The following ABI3BP variants were observed in gnomAD, a reference collection of about 807,000 sequenced individuals.
ABI3BP encodes target of Nesh-SH3.
A neutral mutation model predicts 268.6 loss-of-function variants in ABI3BP; 216 were observed. That is an observed-to-expected ratio of 0.80 (90% CI 0.72 to 0.90). The LOEUF (loss-of-function observed/expected upper bound fraction) is 0.90. ABI3BP is among the 40% of genes least tolerant of loss of function. The pLI is 0.00. For synonymous variants in ABI3BP, 730 were observed against 730.0 expected, an observed-to-expected ratio of 1.00 and a Z score of 0.00; for missense variants, 2,090 against 2,182.4, an observed-to-expected ratio of 0.96 and a Z score of 0.84.
At chr3:100,867,123 AAATTCTTTCTTATTAACCCTACAT>A (rs1668021718) in intron 9 of ABI3BP, among the ~76,000 whole-genome samples, 167 bp from the exon 10 acceptor site, 1 of 152,220 alleles carries the variant, frequency 6.6e-6, no homozygotes, top group South Asian at 2.1e-4. Flanking sequence ...TAAGTCTTCA[AAATTCTTTCTTATTAACCCTACAT>A]AATTCTTTCT....
At position 100,898,816 on chromosome 3, in the gene ABI3BP, A is replaced by T. The variant is rs779453279; in HGVS notation, c.407T>A (p.Phe136Tyr). 3.5e-5 allele frequency: 56 copies of T among 1,613,602 alleles called. No homozygotes were observed. Among genetic ancestry groups the T allele is most frequent in the Non-Finnish European group, 4.2e-5 (49 of 1,179,756 alleles). Residue 136 changes from phenylalanine to tyrosine, a missense_variant, in exon 4 of 68, where the codon TTC (phenylalanine) becomes TAC (tyrosine). Coordinates refer to ENST00000471714, the MANE Select transcript of ABI3BP (RefSeq NM_001375547.2). ...CCAGTCATGGTGTGGGTTGATGAGG[A>T]AACCCCAGGACAGGAAGACCGAGCT... ...TPSSVFLSWG[F>Y]LINPHHDWTL...
intron 53 of ABI3BP, 149 bp from the exon 54 acceptor site, chr3:100,795,152 G>C (rs748579405): frequency 3.5e-6 from 2 of 566,844 alleles, no homozygotes; most frequent in African/African-American, 2.0e-5. Context: ...AAATGACTGC[G>C]GAATATTAGA....
intron 61 of ABI3BP, among the ~76,000 whole-genome samples, chr3:100,771,975 A>G (rs9814084): frequency 0.13 from 20,517 of 152,204 alleles, 1,473 homozygotes; most frequent in Non-Finnish European, 0.16. Context: ...TTCTCAAAAC[A>G]AGTGATAAAG....
At position 100,816,748 on chromosome 3, in the gene ABI3BP, G is replaced by A. The variant is rs556648853; in HGVS notation, c.3169C>T (p.Arg1057Cys). 22 of 1,535,794 alleles carry A rather than the reference G, an allele frequency of 1.4e-5. No homozygotes were observed. The highest frequency in any genetic ancestry group is 7.3e-5 in the East Asian group (3 of 40,914). ...TTLAPKTQRTRRPRPRPKTTS... is the reference protein window; with the variant it reads ...TTLAPKTQRTCRPRPRPKTTS... Reference sequence around the variant, plus strand: ...GTTTTGGGTCTGGGACGGGGACGACGTGTCCGTTGTGTTTTAGGAGCTGAA... The same window carrying A: ...GTTTTGGGTCTGGGACGGGGACGACATGTCCGTTGTGTTTTAGGAGCTGAA... The change falls in exon 43 of 68, where the codon CGT becomes TGT. Residue 1057 changes from arginine to cysteine, a missense_variant. By Grantham distance (180) the Arg-to-Cys change is radical. Coordinates refer to ENST00000471714, the MANE Select transcript of ABI3BP (RefSeq NM_001375547.2).
intron 2 of ABI3BP, chr3:100,912,175 C>T (rs533463157): frequency 1.4e-4 from 41 of 301,552 alleles, no homozygotes; most frequent in East Asian, 6.2e-4. Flanking sequence ...TCTTACCCTT[C>T]GTGCTGCCGT....
intron 2 of ABI3BP, among the ~76,000 whole-genome samples, chr3:100,923,106 T>C (rs1308718665): frequency 6.6e-6 from 1 of 152,198 alleles, no homozygotes; most frequent in African/African-American, 2.4e-5. Flanking sequence ...AAAAAGAACA[T>C]ATTGATCTAC....
intron 34 of ABI3BP, 116 bp from the exon 35 acceptor site, chr3:100,825,960 G>A: frequency 1.3e-6 from 1 of 777,912 alleles, no homozygotes; most frequent in Non-Finnish European, 2.1e-6. Flanking sequence ...AACATTTCTG[G>A]GAAGGGCATT....
At chr3:100,968,148 A>T (rs1401566045) in intron 1 of ABI3BP, among the ~76,000 whole-genome samples, 1 of 152,232 alleles carries the variant, frequency 6.6e-6, no homozygotes, top group Non-Finnish European at 1.5e-5. Flanking sequence ...AGTTACTTTC[A>T]GCCTTTTATT....
chr3:100,869,010 C>T (rs140355918), intron 9 of ABI3BP, among the ~76,000 whole-genome samples: 124 of 152,150 alleles, frequency 8.1e-4, no homozygotes, highest in African/African-American at 2.2e-3. Flanking sequence ...TTTCCTTTCA[C>T]GATCTCTTCT....
At chr3:100,766,436 C>G (rs1212682560) in intron 62 of ABI3BP, among the ~76,000 whole-genome samples, 1 of 152,204 alleles carries the variant, frequency 6.6e-6, no homozygotes, top group Non-Finnish European at 1.5e-5. Context: ...AGTTGAGCAT[C>G]ACAGCACCAA....
At chr3:100,843,604 G>C in intron 20 of ABI3BP, 2 of 983,950 alleles carry the variant, frequency 2.0e-6, no homozygotes, top group African/African-American at 1.7e-5. Flanking sequence ...GAGATGGAGA[G>C]AGAGAGGAGA....
In ABI3BP at chr3:100,812,721, C is replaced by T. The variant is rs147952675; in HGVS notation, c.3365-198G>A. Among the ~76,000 whole-genome samples the T allele has an allele frequency of 1.1e-4, 16 of 148,162 alleles. No individual in the cohort carries two copies. In the East Asian group the frequency reaches 2.5e-3, roughly 23 times the overall value. On this transcript the variant is annotated intron_variant, in intron 45 of 67. Coordinates refer to ENST00000471714, the MANE Select transcript of ABI3BP (RefSeq NM_001375547.2). ...GTTACCATTAACAACCTACTTTGTACATTCAACATGAGTACCAAAATGTCA... is the reference window on the plus strand; with the variant it reads ...GTTACCATTAACAACCTACTTTGTATATTCAACATGAGTACCAAAATGTCA...
chr3:100,986,320 C>A (rs1243970693), intron 1 of ABI3BP, among the ~76,000 whole-genome samples: 2 of 152,216 alleles, frequency 1.3e-5, no homozygotes, highest in African/African-American at 2.4e-5. Flanking sequence ...CTGGCCAGTA[C>A]CTTCACTGTT....
intron 4 of ABI3BP, among the ~76,000 whole-genome samples, chr3:100,898,309 G>T (rs1470197198): frequency 6.6e-6 from 1 of 152,162 alleles, no homozygotes; most frequent in African/African-American, 2.4e-5. Flanking sequence ...TGAGTCTGAG[G>T]GGGACCTGAG....
intron 9 of ABI3BP, among the ~76,000 whole-genome samples, chr3:100,873,731 C>T (rs369264951): frequency 6.6e-6 from 1 of 152,120 alleles, no homozygotes; most frequent in African/African-American, 2.4e-5. Flanking sequence ...AGATAAGGCC[C>T]CCAGTAGGGG....
intron 54 of ABI3BP, among the ~76,000 whole-genome samples, chr3:100,793,577 T>G (rs993157307): frequency 4.6e-5 from 7 of 152,048 alleles, no homozygotes; most frequent in Admixed American, 1.3e-4. Flanking sequence ...GAAAAGTACT[T>G]TTAACTTTGC....
At chr3:100,862,705 AT>A (rs1262239133) in intron 13 of ABI3BP, 132 bp downstream of exon 13, 1 of 664,234 alleles carries the variant, frequency 1.5e-6, no homozygotes, top group Non-Finnish European at 2.4e-6. Context: ...TTAAAAAAAA[AT>A]CAAATCAACC....
chr3:100,840,200 G>A lies in ABI3BP; in HGVS notation c.1805-36C>T, dbSNP rs1042802387. On this transcript the variant is annotated intron_variant, in intron 22 of 67. Transcript: ENST00000471714. ...AAAATTAGCAAGTTAATACAAGAAG[G>A]GTGGATTTACAAACTGATGATAAAT... 2.8e-6 allele frequency: 4 copies of A among 1,443,448 alleles called. No individual in the cohort carries two copies. The African/African-American group carries it at 5.7e-5, about 21-fold the overall frequency. The allele number at this position is 1,443,448 out of a possible 1,614,324, so 89.4% of individuals were successfully genotyped here.
At chr3:100,770,270 C>A (rs192817293) in intron 62 of ABI3BP, among the ~76,000 whole-genome samples, 4 of 152,088 alleles carry the variant, frequency 2.6e-5, no homozygotes, top group African/African-American at 9.6e-5. Flanking sequence ...TGGGTGGTAA[C>A]AGAATAAAAA....
Sources: allele counts gnomAD v4.1 joint callset (sites outside exome capture counted in the v4.1 genomes callset), GRCh38; gene constraint gnomAD v4.1.1; transcripts MANE v1.5; gene names NCBI Gene and HGNC (gene_info 2026-07-23, HGNC 2026-07-21).